The following PRKAR2A variants were observed in gnomAD, a reference collection of about 807,000 sequenced individuals.
PRKAR2A encodes cAMP-dependent protein kinase type II-alpha regulatory subunit.
In PRKAR2A, 29 loss-of-function variants were observed where a neutral mutation model predicts 51.9. That is an observed-to-expected ratio of 0.56 (90% CI 0.42 to 0.76). PRKAR2A has a LOEUF of 0.76. Among genes scored for constraint, PRKAR2A ranks in the 30% least tolerant of loss-of-function variants. The pLI is 0.00. For synonymous variants in PRKAR2A, 178 were observed against 186.2 expected (o/e 0.96, Z 0.36); for missense variants, 445 against 512.1 (o/e 0.87, Z 1.26).
intron 5 of PRKAR2A, among the ~76,000 whole-genome samples, chr3:48,782,345 C>T (rs1472988647): frequency 6.6e-6 from 1 of 152,154 alleles, no homozygotes; most frequent in Non-Finnish European, 1.5e-5. Context: ...AGTACCATGG[C>T]TAATTCTTCA....
chr3:48,831,626 CT>C (rs752832208), intron 1 of PRKAR2A, among the ~76,000 whole-genome samples: 4 of 88,364 alleles, frequency 4.5e-5, no homozygotes, highest in Non-Finnish European at 9.6e-5. Flanking sequence ...AATATTTTTT[CT>C]TTTTTTTGAG....
rs550160184 is a variant in PRKAR2A, at chr3:48,760,199, A to G, written c.874-3755T>C. On this transcript the variant is annotated intron_variant, in intron 8 of 10. Transcript: ENST00000265563. The stretch of plus-strand genomic sequence containing the variant: ...AAAAACCCTGTTCTCTACTAAAAAT[A>G]AAAAAAAATTAGCCGGGCATGGTGA... Among the ~76,000 whole-genome samples, 19 of 151,618 alleles carry G rather than the reference A, an allele frequency of 1.3e-4. No individual in the cohort carries two copies. In the South Asian group the frequency reaches 3.7e-3, roughly 30 times the overall value.
intron 1 of PRKAR2A, among the ~76,000 whole-genome samples, chr3:48,809,102 T>C (rs1428788100): frequency 1.3e-5 from 2 of 152,228 alleles, no homozygotes; most frequent in African/African-American, 4.8e-5. Flanking sequence ...TTTTGAAATG[T>C]TCCCTGTGAG....
chr3:48,771,319 G>C (rs1559610367), intron 6 of PRKAR2A, among the ~76,000 whole-genome samples: 1 of 152,150 alleles, frequency 6.6e-6, no homozygotes, highest in Non-Finnish European at 1.5e-5. Context: ...ACCAGCCTGA[G>C]CAACATAGTG....
At chr3:48,840,016 C>T (rs1056716414) in intron 1 of PRKAR2A, among the ~76,000 whole-genome samples, 2 of 152,164 alleles carry the variant, frequency 1.3e-5, no homozygotes, top group Non-Finnish European at 1.5e-5. Flanking sequence ...TAAACAATAA[C>T]ACCCTATTAC....
intron 8 of PRKAR2A, 25 bp from the exon 9 acceptor site, chr3:48,756,469 A>C: frequency 7.7e-6 from 12 of 1,562,356 alleles, no homozygotes; most frequent in Non-Finnish European, 1.1e-5. Context: ...AGGTCAGGTC[A>C]GAGCCATAAG....
chr3:48,814,285 G>T (rs1209884053), intron 1 of PRKAR2A, among the ~76,000 whole-genome samples: 1 of 151,800 alleles, frequency 6.6e-6, no homozygotes, highest in East Asian at 1.9e-4. Flanking sequence ...TGGCGTGGTG[G>T]CTTGCACATG....
chr3:48,793,607 C>T (rs2082429328), intron 3 of PRKAR2A, among the ~76,000 whole-genome samples: 1 of 151,254 alleles, frequency 6.6e-6, no homozygotes, highest in South Asian at 2.1e-4. Flanking sequence ...AATTCTCCTG[C>T]CTCAGGCTCC....
chr3:48,752,692 C>T (rs2081671306), intron 9 of PRKAR2A, among the ~76,000 whole-genome samples: 1 of 151,934 alleles, frequency 6.6e-6, no homozygotes, highest in South Asian at 2.1e-4. Context: ...ACAAAATCCC[C>T]CATGCCCCCC....
intron 1 of PRKAR2A, among the ~76,000 whole-genome samples, chr3:48,813,625 C>T (rs190585850): frequency 6.6e-5 from 10 of 151,936 alleles, no homozygotes; most frequent in Non-Finnish European, 1.2e-4. Context: ...ACCCGGGAGG[C>T]GGAGGTTGCA....
chr3:48,756,519 C>T (rs1454046117), intron 8 of PRKAR2A, 75 bp from the exon 9 acceptor site: 2 of 1,037,424 alleles, frequency 1.9e-6, no homozygotes, highest in East Asian at 2.4e-5. Flanking sequence ...TGCTTTTTCA[C>T]TGCTTAAGCT....
chr3:48,808,818 G>A (rs1254060611), intron 1 of PRKAR2A, among the ~76,000 whole-genome samples: 1 of 102,064 alleles, frequency 9.8e-6, no homozygotes, highest in East Asian at 3.2e-4. Context: ...CGCCTGGCCT[G>A]TATTTTTTTA....
intron 1 of PRKAR2A, among the ~76,000 whole-genome samples, chr3:48,824,466 G>GATAA (rs2083024145): frequency 6.6e-6 from 1 of 151,532 alleles, no homozygotes. Flanking sequence ...TTACTTGGGT[G>GATAA]ATAAGATCAT....
chr3:48,760,568 T>C (rs759860855), intron 8 of PRKAR2A, among the ~76,000 whole-genome samples: 6 of 149,792 alleles, frequency 4.0e-5, no homozygotes, highest in Non-Finnish European at 8.9e-5. Flanking sequence ...ACACCTGTAA[T>C]CCCAGCACTT....
At chr3:48,783,732 C>T (rs888065818) in intron 4 of PRKAR2A, among the ~76,000 whole-genome samples, 1 of 152,106 alleles carries the variant, frequency 6.6e-6, no homozygotes, top group Non-Finnish European at 1.5e-5. Context: ...AGGCCTGTGC[C>T]ACCACGCCTG....
intron 1 of PRKAR2A, among the ~76,000 whole-genome samples, chr3:48,842,750 C>G (rs888464491): frequency 6.6e-6 from 1 of 152,074 alleles, no homozygotes; most frequent in Non-Finnish European, 1.5e-5. Context: ...AGCCTTGCAT[C>G]CCAGGGATGA....
intron 5 of PRKAR2A, among the ~76,000 whole-genome samples, chr3:48,778,103 AC>A (rs1238559264): frequency 6.6e-6 from 1 of 152,178 alleles, no homozygotes; most frequent in East Asian, 1.9e-4. Flanking sequence ...TGTCTCTCCA[AC>A]TTGACCATGA....
intron 2 of PRKAR2A, among the ~76,000 whole-genome samples, chr3:48,798,043 C>T (rs1221995611): frequency 6.6e-6 from 1 of 152,116 alleles, no homozygotes; most frequent in East Asian, 1.9e-4. Flanking sequence ...ACCTCTGCCT[C>T]CCAGGTTCAA....
intron 1 of PRKAR2A, among the ~76,000 whole-genome samples, chr3:48,831,121 T>C (rs919618812): frequency 6.6e-6 from 1 of 152,176 alleles, no homozygotes. Flanking sequence ...ATATGTACTA[T>C]ACTTTTATAC....
Sources: gnomAD v4.1 joint callset for allele counts (sites outside exome capture counted in the v4.1 genomes callset) on GRCh38, gnomAD v4.1.1 for gene constraint, MANE v1.5 for transcripts, NCBI Gene and HGNC (gene_info 2026-07-23, HGNC 2026-07-21) for gene names.